The following TRIO variants were observed in gnomAD, a reference collection of about 807,000 sequenced individuals.
TRIO encodes trio Rho guanine nucleotide exchange factor, also known as triple functional domain protein.
In TRIO, 58 loss-of-function variants were observed where a neutral mutation model predicts 351.9. That is an observed-to-expected ratio of 0.16 (90% confidence interval 0.13 to 0.21). The LOEUF (loss-of-function observed/expected upper bound fraction) is 0.21. Ranked by LOEUF, TRIO falls within the 10% of genes least tolerant of loss-of-function variation. The pLI, the probability that TRIO is intolerant of heterozygous loss-of-function variation, is 1.00. For missense variants in TRIO, 3,201 were observed against 4,027.8 expected (o/e 0.79, Z 5.56); for synonymous variants, 1,758 against 1,595.7 (o/e 1.10, Z -2.42).
Position 14,461,292 on chromosome 5 carries a change from A to G in TRIO, c.5477A>G (p.Gln1826Arg). Residue 1826 changes from glutamine (Q) to arginine (R), a missense_variant, in exon 35 of 57, where the codon CAG becomes CGG. Transcript: ENST00000344204. ...TCCGACGACAGTGCGGCCACCCCGCAGGACGAGACGGTCGAGGAGGTGAGG... is the reference window on the plus strand; with the variant it reads ...TCCGACGACAGTGCGGCCACCCCGCGGGACGAGACGGTCGAGGAGGTGAGG... ...KDSDDSAATP[Q>R]DETVEERGRN... 2 of 1,584,604 alleles carry G rather than the reference A, an allele frequency of 1.3e-6. No individual in the cohort carries two copies. The highest frequency in any genetic ancestry group is 1.7e-6 in the Non-Finnish European group (2 of 1,164,980).
chr5:14,422,684 G>A (rs1484495581), intron 34 of TRIO, among the ~76,000 whole-genome samples: 4 of 152,066 alleles, frequency 2.6e-5, no homozygotes, highest in African/African-American at 9.7e-5. Flanking sequence ...TTCTTTTATC[G>A]GCTATATATC....
chr5:14,424,117 G>T (rs1375982160), intron 34 of TRIO, among the ~76,000 whole-genome samples: 1 of 152,050 alleles, frequency 6.6e-6, no homozygotes, highest in Non-Finnish European at 1.5e-5. Flanking sequence ...GGAGTGAGTG[G>T]TGAGCTTGGA....
chr5:14,238,999 A>G (rs543880639), intron 1 of TRIO, among the ~76,000 whole-genome samples: 21 of 152,232 alleles, frequency 1.4e-4, no homozygotes, highest in Non-Finnish European at 8.8e-5. Context: ...GACGCCGATG[A>G]GGCTTGTGCT....
At chr5:14,325,133 C>T (rs1016983774) in intron 9 of TRIO, among the ~76,000 whole-genome samples, 9 of 152,198 alleles carry the variant, frequency 5.9e-5, no homozygotes, top group Non-Finnish European at 1.2e-4. Flanking sequence ...CAATCAACAC[C>T]TCTGCATTTC....
intron 28 of TRIO, among the ~76,000 whole-genome samples, chr5:14,395,901 C>T (rs937464307): frequency 3.9e-5 from 6 of 151,948 alleles, no homozygotes; most frequent in African/African-American, 1.2e-4. Flanking sequence ...AAAATACTAG[C>T]CGGGCATGGT....
chr5:14,320,136 C>T (rs556096422), intron 9 of TRIO, among the ~76,000 whole-genome samples: 1 of 152,280 alleles, frequency 6.6e-6, no homozygotes, highest in African/African-American at 2.4e-5. Context: ...TACATCTCTC[C>T]ATTGCCTTAT....
chr5:14,354,411 G>C (rs1743422848), intron 11 of TRIO, among the ~76,000 whole-genome samples: 1 of 152,212 alleles, frequency 6.6e-6, no homozygotes, highest in Admixed American at 6.5e-5. Flanking sequence ...ACAGCCAGAG[G>C]CCTCCATTGG....
intron 1 of TRIO, among the ~76,000 whole-genome samples, chr5:14,263,813 A>G (rs1449392357): frequency 1.3e-5 from 2 of 152,228 alleles, no homozygotes; most frequent in African/African-American, 4.8e-5. Context: ...TCCAGAATAC[A>G]GCCTCAGAGG....
intron 1 of TRIO, among the ~76,000 whole-genome samples, chr5:14,253,473 A>T (rs1380589333): frequency 1.3e-5 from 2 of 152,160 alleles, no homozygotes; most frequent in Admixed American, 6.5e-5. Context: ...CTCCTGCCTC[A>T]GCCTGAGTAG....
At chr5:14,449,348 G>A (rs561677800) in intron 34 of TRIO, among the ~76,000 whole-genome samples, 7 of 152,304 alleles carry the variant, frequency 4.6e-5, no homozygotes, top group South Asian at 4.1e-4. Context: ...CCATGGAGGC[G>A]GCTTCCGTTA....
intron 33 of TRIO, among the ~76,000 whole-genome samples, chr5:14,410,327 C>G (rs545320124): frequency 1.3e-5 from 2 of 152,288 alleles, no homozygotes; most frequent in Admixed American, 6.5e-5. Flanking sequence ...CATCTCCCTC[C>G]TTATGCCTCT....
At chr5:14,498,391 G>T in intron 52 of TRIO, 128 bp from the exon 53 acceptor site, 2 of 1,508,960 alleles carry the variant, frequency 1.3e-6, no homozygotes, top group South Asian at 1.3e-5. Context: ...CCCATTTCAC[G>T]CCTGGGTGTA....
intron 7 of TRIO, among the ~76,000 whole-genome samples, chr5:14,299,581 C>T (rs1406871104): frequency 1.3e-5 from 2 of 152,208 alleles, no homozygotes; most frequent in African/African-American, 4.8e-5. Context: ...TGATGCTCCT[C>T]ACTAAAGTAG....
chr5:14,260,652 A>T (rs949745768), intron 1 of TRIO, among the ~76,000 whole-genome samples: 1 of 152,182 alleles, frequency 6.6e-6, no homozygotes, highest in South Asian at 2.1e-4. Flanking sequence ...AAAAATTCTG[A>T]TGTTTGTTTG....
chr5:14,352,440 G>T (rs888485850), intron 11 of TRIO, among the ~76,000 whole-genome samples: 1 of 152,290 alleles, frequency 6.6e-6, no homozygotes, highest in African/African-American at 2.4e-5. Flanking sequence ...TTTCCTCTTA[G>T]GAGTTTATGG....
intron 1 of TRIO, among the ~76,000 whole-genome samples, chr5:14,250,846 T>C (rs545238393): frequency 6.6e-6 from 1 of 152,300 alleles, no homozygotes; most frequent in African/African-American, 2.4e-5. Flanking sequence ...CTCAGGTGAA[T>C]TAAACACTTT....
chr5:14,301,279 C>A (rs184734953), intron 7 of TRIO, among the ~76,000 whole-genome samples: 2 of 152,054 alleles, frequency 1.3e-5, no homozygotes, highest in African/African-American at 2.4e-5. Flanking sequence ...TTTCTTAATA[C>A]GACCATTCTG....
intron 11 of TRIO, among the ~76,000 whole-genome samples, chr5:14,340,837 A>G (rs1020167692): frequency 2.6e-5 from 4 of 152,290 alleles, no homozygotes; most frequent in Non-Finnish European, 5.9e-5. Flanking sequence ...AGAAAAGGGG[A>G]TGCATTTTAC....
rs571970215 is a variant in TRIO, at chr5:14,449,501, T to C, written c.5204-11518T>C. Among the ~76,000 whole-genome samples, 13 of 152,350 alleles carry C rather than the reference T, an allele frequency of 8.5e-5. No individual in the cohort carries two copies. In the East Asian group the frequency reaches 2.5e-3, roughly 29 times the overall value. ...CAACAACCACCACTTGATTCCTATG[T>C]TGGCCTCTTGTTGCTCGGCTGCTGG... is the stretch of plus-strand genomic sequence containing the variant. On this transcript the variant is annotated intron_variant, in intron 34 of 56. Coordinates refer to ENST00000344204, the MANE Select transcript of TRIO (RefSeq NM_007118.4).
Sources: allele counts gnomAD v4.1 joint callset (sites outside exome capture counted in the v4.1 genomes callset), GRCh38; gene constraint gnomAD v4.1.1; transcripts MANE v1.5; gene names NCBI Gene and HGNC (gene_info 2026-07-23, HGNC 2026-07-21).